PPP1R12C: variants seen among roughly 807,000 people sequenced by gnomAD.
PPP1R12C encodes the protein protein phosphatase 1 regulatory subunit 12C, also known as leukocyte receptor cluster (LRC) encoded novel gene 3.
Under a neutral mutation model 95.6 loss-of-function variants are expected in PPP1R12C, and 48 were observed. The ratio of observed to expected loss-of-function variants is 0.50; its 90% CI spans 0.40 to 0.64. The LOEUF is 0.64. PPP1R12C is among the 30% of genes least tolerant of loss of function. The probability of loss-of-function intolerance (pLI) is 0.00; values close to 1 mark genes in which losing one functional copy is unlikely to be tolerated. For missense variants in PPP1R12C, 1,057 were observed against 1,083.3 expected, an observed-to-expected ratio of 0.98 and a Z score of 0.34; for synonymous variants, 480 against 460.8, an observed-to-expected ratio of 1.04 and a Z score of -0.53.
rs1035541505 is a variant in PPP1R12C, at chr19:55,109,039, T to C, written c.571+3428A>G. Among the ~76,000 whole-genome samples the C allele has an allele frequency of 3.9e-5, 6 of 152,206 alleles. No homozygotes were observed. The highest frequency in any genetic ancestry group is 2.6e-4 in the Admixed American group (4 of 15,286). Reference sequence around the variant, plus strand: ...ACATGTTGATTTTCCATTCATTCGATGATGGGCACTAGGTTGCTCCTACCT... The same window carrying C: ...ACATGTTGATTTTCCATTCATTCGACGATGGGCACTAGGTTGCTCCTACCT... On this transcript the variant is annotated intron_variant, in intron 3 of 21. Coordinates refer to ENST00000263433, the MANE Select transcript of PPP1R12C (RefSeq NM_017607.4). The surrounding 1 kb of genome is among the most constrained non-coding windows in gnomAD (Gnocchi z 4.4).
intron 19 of PPP1R12C, 121 bp downstream of exon 19, chr19:55,092,101 C>T: frequency 9.0e-7 from 1 of 1,114,608 alleles, no homozygotes; most frequent in Non-Finnish European, 1.3e-6. Flanking sequence ...GATCTCGGCC[C>T]CGCCCCTCAA....
rs2084884752 is a variant in PPP1R12C at position 55,094,374 on chromosome 19, G to A, written c.1654C>T (p.Leu552Phe). The A allele has an allele frequency of 6.2e-7, 1 of 1,613,050 alleles. No homozygotes were observed. Among genetic ancestry groups the A allele is most frequent in the Non-Finnish European group, 8.5e-7 (1 of 1,180,010 alleles). The change falls in exon 13 of 22, where the codon CTC becomes TTC. Residue 552 changes from leucine to phenylalanine, a missense_variant. Physicochemically the swap from Leu to Phe is conservative, Grantham distance 22. Around this residue, in one of 5 missense-constraint regions of PPP1R12C, gnomAD observed 2 missense variants for 16.7 expected, o/e 0.12. Transcript: ENST00000263433. Reference protein sequence around the residue: ...SESQRKARSRLMRQSRRSTQG... With the variant: ...SESQRKARSRFMRQSRRSTQG... ...GTGGACCTCCGAGACTGGCGCATGA[G>A]ACGGGAGCGAGCTTTTCTCTGGGAT...
In PPP1R12C at chr19:55,101,874, G is replaced by C. The variant is rs543053335; in HGVS notation, c.731+1535C>G. Among the ~76,000 whole-genome samples, 9 of 152,248 alleles carry C rather than the reference G, an allele frequency of 5.9e-5. No homozygotes were observed. The East Asian group carries it at 1.3e-3, about 23-fold the overall frequency. ...GAGCTGTTACGGGTGCTAGGCCGAA[G>C]GGACAGCGGCCTGGAGCTGTTACAG... On this transcript the variant is annotated intron_variant, in intron 4 of 21. Transcript: ENST00000263433.
At chr19:55,096,396 C>T in intron 6 of PPP1R12C, 61 bp from the exon 7 acceptor site, 4 of 1,554,936 alleles carry the variant, frequency 2.6e-6, no homozygotes, top group Non-Finnish European at 2.7e-6. Context: ...ACAGCAACAC[C>T]ACCACAAACA....
chr19:55,093,252 A>G lies in PPP1R12C; in HGVS notation c.1684-19T>C, dbSNP rs775296437. On this transcript the variant is annotated intron_variant, in intron 13 of 21. Transcript: ENST00000263433. ...TCACACCCTGGCAGGGAAAGGGGAC[A>G]GTCAGGGGACGCTGGGGTCAGGGCC... The G allele has an allele frequency of 6.2e-7, 1 of 1,608,948 alleles. No homozygotes were observed. Among genetic ancestry groups the G allele is most frequent in the Non-Finnish European group, 8.5e-7 (1 of 1,178,166 alleles).
At chr19:55,105,365 A>G (rs1357688978) in intron 3 of PPP1R12C, among the ~76,000 whole-genome samples, 1 of 152,082 alleles carries the variant, frequency 6.6e-6, no homozygotes, top group Non-Finnish European at 1.5e-5. Context: ...TCCTTCTGCA[A>G]TTTGCTTCTT....
At chr19:55,112,094 C>A (rs188617600) in intron 3 of PPP1R12C, 41 of 198,632 alleles carry the variant, frequency 2.1e-4, no homozygotes, top group South Asian at 1.1e-4. Flanking sequence ...CCTACTCCCC[C>A]CCAAGTAAAC....
At chr19:55,094,941 C>T in intron 11 of PPP1R12C, 143 bp from the exon 12 acceptor site, 2 of 1,003,224 alleles carry the variant, frequency 2.0e-6, no homozygotes, top group Non-Finnish European at 1.5e-6. Flanking sequence ...CCCACAAAAG[C>T]CATGAAAAGA....
chr19:55,106,370 A>AG (rs2085038769), intron 3 of PPP1R12C, among the ~76,000 whole-genome samples: 1 of 152,244 alleles, frequency 6.6e-6, no homozygotes, highest in African/African-American at 2.4e-5. Context: ...AACAAGGCAA[A>AG]GCTGGGGCCT....
chr19:55,104,810 C>A (rs2085020117), intron 3 of PPP1R12C, among the ~76,000 whole-genome samples: 1 of 151,676 alleles, frequency 6.6e-6, no homozygotes, highest in Non-Finnish European at 1.5e-5. Flanking sequence ...CTCGCTCTGT[C>A]ACCCAGGCTG....
intron 4 of PPP1R12C, among the ~76,000 whole-genome samples, chr19:55,099,681 G>C (rs923545424): frequency 2.0e-5 from 3 of 152,184 alleles, no homozygotes; most frequent in Non-Finnish European, 4.4e-5. Flanking sequence ...AGAGCGCTCA[G>C]CAGCAGCCCC....
At chr19:55,106,324 G>A (rs1295121596) in intron 3 of PPP1R12C, among the ~76,000 whole-genome samples, 2 of 152,232 alleles carry the variant, frequency 1.3e-5, no homozygotes, top group Non-Finnish European at 2.9e-5. Flanking sequence ...TGGTTGGGAA[G>A]GCCTCTCTCG....
At chr19:55,105,468 G>A (rs1473752545) in intron 3 of PPP1R12C, among the ~76,000 whole-genome samples, 1 of 147,734 alleles carries the variant, frequency 6.8e-6, no homozygotes, top group East Asian at 2.1e-4. Flanking sequence ...TTGACCACCT[G>A]TTGTGTTTTC....
In PPP1R12C at chr19:55,105,598, C is replaced by T. The variant is rs1334739748; in HGVS notation, c.572-2030G>A. Reference sequence around the variant, plus strand: ...ACCTCCAATATTATGCAACCATCACCACTATCTACTTCCTGAGCTTTTTCA... The same window carrying T: ...ACCTCCAATATTATGCAACCATCACTACTATCTACTTCCTGAGCTTTTTCA... On this transcript the variant is annotated intron_variant, in intron 3 of 21. Transcript: ENST00000263433. 2.0e-5 allele frequency among the ~76,000 whole-genome samples: 3 copies of T among 152,246 alleles called. No individual in the cohort carries two copies. In the East Asian group the frequency reaches 5.8e-4, roughly 29 times the overall value.
At chr19:55,113,203 CCCCAGCCCCTCCTGCCTTAAA>C (rs1482050325) in intron 1 of PPP1R12C, 4 of 505,436 alleles carry the variant, frequency 7.9e-6, no homozygotes, top group Non-Finnish European at 1.4e-5. Context: ...GAGTCCTGGC[CCCCAGCCCCTCCTGCCTTAAA>C]CCCAGCCAGG....
chr19:55,114,236 T>C (rs1468578822), intron 1 of PPP1R12C: 11 of 132,706 alleles, frequency 8.3e-5, no homozygotes, highest in Admixed American at 1.5e-4. Context: ...GCCCCTCCTC[T>C]CTCAAACCCA....
chr19:55,105,215 T>G (rs1432436459), intron 3 of PPP1R12C, among the ~76,000 whole-genome samples: 1 of 152,092 alleles, frequency 6.6e-6, no homozygotes, highest in Non-Finnish European at 1.5e-5. Context: ...CCACCACACC[T>G]GGCTGTGTCA....
intron 1 of PPP1R12C, chr19:55,113,457 C>A: frequency 6.7e-7 from 1 of 1,484,550 alleles, no homozygotes; most frequent in East Asian, 2.7e-5. Flanking sequence ...CGGGGCCCTG[C>A]AGCCAGGGGC....
At chr19:55,092,420 C>G (rs1439320607) in intron 18 of PPP1R12C, 22 bp downstream of exon 18, 2 of 1,589,284 alleles carry the variant, frequency 1.3e-6, no homozygotes, top group Non-Finnish European at 1.7e-6. Flanking sequence ...GGCAAAGCCC[C>G]GACGGAGGGG....
Sources: allele counts gnomAD v4.1 joint callset (sites outside exome capture counted in the v4.1 genomes callset), GRCh38; gene constraint gnomAD v4.1.1; regional missense constraint gnomAD v4.1.1; non-coding constraint Gnocchi (gnomAD v3.1); transcripts MANE v1.5; gene names NCBI Gene and HGNC (gene_info 2026-07-23, HGNC 2026-07-21).